Variants in PTPN14 observed in about 807,000 individuals in gnomAD.
The protein encoded by PTPN14 is protein tyrosine phosphatase non-receptor type 14.
PTPN14 carries 53 observed loss-of-function variants against 126.8 expected under a neutral mutation model. The observed-to-expected ratio is 0.42, with a 90% CI of 0.34 to 0.53. The LOEUF is 0.53. PTPN14 is among the 20% of genes least tolerant of loss of function. The probability of loss-of-function intolerance (pLI) is 0.08; values close to 1 mark genes in which losing one functional copy is unlikely to be tolerated. For missense variants in PTPN14, 1,257 were observed against 1,552.9 expected (o/e 0.81, Z 3.20); for synonymous variants, 630 against 599.3 (o/e 1.05, Z -0.75).
At chr1:214,371,486 G>A (rs1475573262) in intron 16 of PTPN14, among the ~76,000 whole-genome samples, 1 of 152,152 alleles carries the variant, frequency 6.6e-6, no homozygotes, top group African/African-American at 2.4e-5. Flanking sequence ...ACCCACTCTG[G>A]ACTATAGTTT....
At chr1:214,519,035 A>C (rs192634271) in intron 1 of PTPN14, among the ~76,000 whole-genome samples, 271 of 152,244 alleles carry the variant, frequency 1.8e-3, no homozygotes, top group African/African-American at 6.4e-3. Context: ...TTGGGAGTCC[A>C]AGGCAAGCAG....
intron 7 of PTPN14, among the ~76,000 whole-genome samples, chr1:214,398,731 C>CCTA (rs1658946804): frequency 6.6e-6 from 1 of 150,442 alleles, no homozygotes. Context: ...CTGTGCCCGG[C>CCTA]AACAATGTAC....
At chr1:214,496,383 G>C (rs551295277) in intron 1 of PTPN14, among the ~76,000 whole-genome samples, 1 of 152,128 alleles carries the variant, frequency 6.6e-6, no homozygotes, top group Non-Finnish European at 1.5e-5. Flanking sequence ...GTTCAGCCAA[G>C]GTCCTCAGGG....
chr1:214,537,918 C>T (rs1288338909), intron 1 of PTPN14, among the ~76,000 whole-genome samples: 1 of 152,102 alleles, frequency 6.6e-6, no homozygotes, highest in African/African-American at 2.4e-5. Flanking sequence ...ACAGATTTAT[C>T]TCAATATACA....
intron 1 of PTPN14, among the ~76,000 whole-genome samples, chr1:214,550,606 T>C (rs1656084652): frequency 6.6e-6 from 1 of 152,182 alleles, no homozygotes. Flanking sequence ...CTGAAATTGT[T>C]TGGCCACAGC....
intron 1 of PTPN14, 40 bp from the exon 2 acceptor site, chr1:214,464,997 G>T: frequency 1.6e-6 from 1 of 609,786 alleles, no homozygotes; most frequent in Non-Finnish European, 2.8e-6. Context: ...TGCTCCAGAA[G>T]GGACCTATCA....
At chr1:214,543,211 C>T (rs947678130) in intron 1 of PTPN14, among the ~76,000 whole-genome samples, 1 of 152,294 alleles carries the variant, frequency 6.6e-6, no homozygotes, top group African/African-American at 2.4e-5. Flanking sequence ...ATATTCTAAT[C>T]GGTAAATCCA....
At position 214,371,762 on chromosome 1, in the gene PTPN14, C is replaced by T. The variant is rs115952965; in HGVS notation, c.3036+949G>A. Among the ~76,000 whole-genome samples the T allele has an allele frequency of 8.3e-3, 1,257 of 152,228 alleles. 13 individuals carry two copies. Among genetic ancestry groups the T allele is most frequent in the African/African-American group, 0.029 (1,196 of 41,520 alleles). ...TGTGGGAAGGTCAAACAGGTCAGCCCAGGGAAGTACAACTGGCTTTAAAGA... is the reference window on the plus strand; with the variant it reads ...TGTGGGAAGGTCAAACAGGTCAGCCTAGGGAAGTACAACTGGCTTTAAAGA... On this transcript the variant is annotated intron_variant, in intron 16 of 18. Transcript: ENST00000366956.
rs1658534396 is a variant in PTPN14, at chr1:214,383,825, G to A, written c.2030C>T (p.Pro677Leu). Residue 677 changes from proline to leucine, a missense_variant, in exon 13 of 19, where the codon CCC becomes CTC. Physicochemically the swap from Pro to Leu is moderately conservative, Grantham distance 98. Transcript: ENST00000366956. The surrounding 1 kb of genome is among the most constrained non-coding windows in gnomAD (Gnocchi z 4.4). ...RRNTLREQGP[P>L]EEGSGSHEVP... Reference sequence around the variant, plus strand: ...CTCGTGGCTGCCTGACCCCTCCTCGGGCGGTCCCTGCTCCCGGAGCGTGTT... The same window carrying A: ...CTCGTGGCTGCCTGACCCCTCCTCGAGCGGTCCCTGCTCCCGGAGCGTGTT... 1.2e-6 allele frequency: 2 copies of A among 1,612,364 alleles called. No individual in the cohort carries two copies. The highest frequency in any genetic ancestry group is 1.7e-6 in the Non-Finnish European group (2 of 1,180,016).
intron 1 of PTPN14, among the ~76,000 whole-genome samples, chr1:214,473,295 T>C (rs1047904107): frequency 1.3e-5 from 2 of 152,220 alleles, no homozygotes; most frequent in Admixed American, 6.5e-5. Flanking sequence ...ATGCAGCGTA[T>C]TCCTCTTTAT....
chr1:214,383,793 G>C lies in PTPN14; in HGVS notation c.2062C>G (p.Gln688Glu), dbSNP rs1011249150. 6.2e-7 allele frequency: 1 copy of C among 1,612,824 alleles called. No individual in the cohort carries two copies. The change falls in exon 13 of 19, where the codon CAG becomes GAG. Residue 688 changes from glutamine (Q) to glutamate (E), a missense_variant. By Grantham distance (29) the Gln-to-Glu change is conservative (BLOSUM62 2). Coordinates refer to ENST00000366956, the MANE Select transcript of PTPN14 (RefSeq NM_005401.5). The surrounding 1 kb of genome is among the most constrained non-coding windows in gnomAD (Gnocchi z 4.4). ...EEGSGSHEVPQLPQYHHKKTF... is the reference protein window; with the variant it reads ...EEGSGSHEVPELPQYHHKKTF... Reference sequence around the variant, plus strand: ...TTCTTGTGGTGATACTGAGGGAGCTGGGGGACCTCGTGGCTGCCTGACCCC... The same window carrying C: ...TTCTTGTGGTGATACTGAGGGAGCTCGGGGACCTCGTGGCTGCCTGACCCC...
chr1:214,464,228 A>C (rs959667638), intron 2 of PTPN14, among the ~76,000 whole-genome samples: 3 of 151,092 alleles, frequency 2.0e-5, no homozygotes, highest in Non-Finnish European at 3.0e-5. Context: ...AAAAAAAAAA[A>C]AAAAGGCAGC....
chr1:214,439,736 A>T (rs1659997711), intron 3 of PTPN14, among the ~76,000 whole-genome samples: 1 of 152,158 alleles, frequency 6.6e-6, no homozygotes, highest in Admixed American at 6.5e-5. Context: ...ACACCTGCTG[A>T]CACCTTTCTA....
In PTPN14 at chr1:214,481,228, G is replaced by A. The variant is rs6657999; in HGVS notation, c.-154-16271C>T. Among the ~76,000 whole-genome samples, 273 of 152,210 alleles carry A rather than the reference G, an allele frequency of 1.8e-3. 1 individual carries two copies. Among genetic ancestry groups the A allele is most frequent in the African/African-American group, 6.2e-3 (259 of 41,522 alleles). On this transcript the variant is annotated intron_variant, in intron 1 of 18. Transcript: ENST00000366956. ...ATGCAGCACAAGAATAAAAACTGCC[G>A]GGCGCAGTGGCTCACGCCTATAATC...
At chr1:214,525,185 G>C (rs901683066) in intron 1 of PTPN14, among the ~76,000 whole-genome samples, 1 of 152,262 alleles carries the variant, frequency 6.6e-6, no homozygotes, top group East Asian at 1.9e-4. Context: ...GCAATGTTTT[G>C]CAGAGGGCAG....
At chr1:214,394,557 A>G (rs7513565) in intron 9 of PTPN14, among the ~76,000 whole-genome samples, 124,764 of 152,104 alleles carry the variant, frequency 0.82, 51,847 homozygotes, top group African/African-American at 0.95. Flanking sequence ...ACAGGTGCCC[A>G]CCACCATGCT....
intron 5 of PTPN14, among the ~76,000 whole-genome samples, chr1:214,405,618 A>G (rs1056226720): frequency 1.3e-5 from 2 of 152,086 alleles, no homozygotes; most frequent in Non-Finnish European, 2.9e-5. Context: ...CCAAAAAAAA[A>G]AAAAAGCATA....
At chr1:214,484,863 G>A (rs1345823113) in intron 1 of PTPN14, among the ~76,000 whole-genome samples, 2 of 152,210 alleles carry the variant, frequency 1.3e-5, no homozygotes, top group African/African-American at 4.8e-5. Flanking sequence ...GAGATTATCT[G>A]AAAAGGTTGG....
intron 12 of PTPN14, among the ~76,000 whole-genome samples, chr1:214,385,905 A>T (rs1158733905): frequency 1.3e-5 from 2 of 152,182 alleles, no homozygotes; most frequent in Non-Finnish European, 2.9e-5. Context: ...TATAAAAAGT[A>T]CTATTTTTAT....
Sources: gnomAD v4.1 joint callset for allele counts (sites outside exome capture counted in the v4.1 genomes callset) on GRCh38, gnomAD v4.1.1 for gene constraint, Gnocchi (gnomAD v3.1) non-coding constraint, MANE v1.5 for transcripts, NCBI Gene and HGNC (gene_info 2026-07-23, HGNC 2026-07-21) for gene names.